Variants in CDH13 observed in about 807,000 individuals in gnomAD.
CDH13 encodes the protein cadherin-13.
A neutral mutation model predicts 63.8 loss-of-function variants in CDH13; 24 were observed. The ratio of observed to expected loss-of-function variants is 0.38; its 90% CI spans 0.27 to 0.53. CDH13 has a LOEUF of 0.53. Ranked by LOEUF, CDH13 falls within the 20% of genes least tolerant of loss-of-function variation. The pLI is 0.85. For missense variants in CDH13, 1,049 were observed against 903.1 expected (o/e 1.16, Z -2.07); for synonymous variants, 503 against 355.3 (o/e 1.42, Z -4.67).
chr16:83,233,309 C>T (rs543812029), intron 5 of CDH13, among the ~76,000 whole-genome samples: 18 of 152,298 alleles, frequency 1.2e-4, no homozygotes, highest in Middle Eastern at 3.4e-3. Context: ...GTGACGACCA[C>T]GACAATGTTG....
intron 7 of CDH13, among the ~76,000 whole-genome samples, chr16:83,528,294 C>T (rs116827920): frequency 5.9e-5 from 9 of 152,156 alleles, no homozygotes; most frequent in African/African-American, 2.2e-4. Flanking sequence ...TGGTTGATCA[C>T]ATTTTAAATG....
At chr16:83,765,789 T>A (rs988922856) in intron 11 of CDH13, among the ~76,000 whole-genome samples, 1 of 151,878 alleles carries the variant, frequency 6.6e-6, no homozygotes, top group Non-Finnish European at 1.5e-5. Context: ...TTCTTTTTTT[T>A]TTTCTATTTT....
In CDH13 at chr16:82,651,485, G is replaced by A. The variant is rs180881337; in HGVS notation, c.45+24348G>A. Among the ~76,000 whole-genome samples the A allele has an allele frequency of 1.3e-3, 194 of 152,328 alleles. 2 individuals carry two copies. Among genetic ancestry groups the A allele is most frequent in the African/African-American group, 4.6e-3 (190 of 41,582 alleles). On this transcript the variant is annotated intron_variant, in intron 1 of 13. Transcript: ENST00000567109. Reference sequence around the variant, plus strand: ...ACCACGGTTTGAATCCAGGTCTTCTGACTCCATATTACTTTGATTTTATTG... The same window carrying A: ...ACCACGGTTTGAATCCAGGTCTTCTAACTCCATATTACTTTGATTTTATTG...
At chr16:82,827,985 C>G (rs1200528816) in intron 1 of CDH13, among the ~76,000 whole-genome samples, 6 of 152,090 alleles carry the variant, frequency 3.9e-5, no homozygotes, top group African/African-American at 1.4e-4. Context: ...CCACTTTTGA[C>G]ACAGAGAGTC....
intron 1 of CDH13, among the ~76,000 whole-genome samples, chr16:82,816,268 T>A (rs1387379406): frequency 6.6e-6 from 1 of 152,166 alleles, no homozygotes; most frequent in Non-Finnish European, 1.5e-5. Context: ...CAATTATTCA[T>A]TGCCATCTGA....
At chr16:83,437,517 A>T (rs1243291950) in intron 6 of CDH13, among the ~76,000 whole-genome samples, 1 of 151,900 alleles carries the variant, frequency 6.6e-6, no homozygotes, top group Non-Finnish European at 1.5e-5. Context: ...CTCTACTACA[A>T]ATACAAAAAA....
intron 2 of CDH13, among the ~76,000 whole-genome samples, chr16:82,880,301 G>A (rs911008785): frequency 2.0e-5 from 3 of 152,080 alleles, no homozygotes; most frequent in African/African-American, 7.2e-5. Flanking sequence ...CGTGGATGAG[G>A]GGTCTGAAGG....
At chr16:83,502,380 TA>T (rs1567717364) in intron 7 of CDH13, among the ~76,000 whole-genome samples, 1 of 151,210 alleles carries the variant, frequency 6.6e-6, no homozygotes, top group African/African-American at 2.4e-5. Context: ...TTCTGGCATC[TA>T]AAACAAAAAA....
chr16:83,790,701 C>A lies in CDH13; in HGVS notation c.2135-4322C>A, dbSNP rs1293448551. Among the ~76,000 whole-genome samples, 3 of 152,186 alleles carry A rather than the reference C, an allele frequency of 2.0e-5. No homozygotes were observed. In the East Asian group the frequency reaches 5.8e-4, roughly 29 times the overall value. On this transcript the variant is annotated intron_variant, in intron 13 of 13. Coordinates refer to ENST00000567109, the MANE Select transcript of CDH13 (RefSeq NM_001257.5). ...TACAGGCGTGAGCCACCATGCCTGG[C>A]CCGGTTGTTGTAGTATAAAGTGCAT...
At chr16:83,251,691 C>T (rs923051750) in intron 5 of CDH13, among the ~76,000 whole-genome samples, 1 of 152,230 alleles carries the variant, frequency 6.6e-6, no homozygotes, top group African/African-American at 2.4e-5. Flanking sequence ...CAAGCCAAGC[C>T]TCTGACATCT....
At chr16:82,794,612 C>G (rs1405044735) in intron 1 of CDH13, among the ~76,000 whole-genome samples, 2 of 152,052 alleles carry the variant, frequency 1.3e-5, no homozygotes, top group Non-Finnish European at 2.9e-5. Flanking sequence ...ACAACGGAAT[C>G]CAATCTCATT....
chr16:82,908,805 C>G (rs1346416046), intron 2 of CDH13, among the ~76,000 whole-genome samples: 1 of 152,214 alleles, frequency 6.6e-6, no homozygotes, highest in Non-Finnish European at 1.5e-5. Context: ...AACCTAGGCA[C>G]ATTCTCCCTA....
intron 7 of CDH13, among the ~76,000 whole-genome samples, chr16:83,599,981 T>G: frequency 6.6e-6 from 1 of 152,160 alleles, no homozygotes; most frequent in East Asian, 1.9e-4. Context: ...CAATAGTACA[T>G]GCAGTCCAGC....
chr16:83,711,471 T>C (rs576363354), intron 10 of CDH13, among the ~76,000 whole-genome samples: 1 of 152,256 alleles, frequency 6.6e-6, no homozygotes, highest in African/African-American at 2.4e-5. Flanking sequence ...TGTGTGGTTG[T>C]TTGTTTGTTT....
At chr16:83,592,012 C>T (rs568183789) in intron 7 of CDH13, among the ~76,000 whole-genome samples, 47 of 152,324 alleles carry the variant, frequency 3.1e-4, no homozygotes, top group African/African-American at 9.9e-4. Flanking sequence ...ACTGCTTAAT[C>T]TCTTCCGGCC....
At chr16:83,687,371 GC>G in intron 10 of CDH13, among the ~76,000 whole-genome samples, 1 of 152,164 alleles carries the variant, frequency 6.6e-6, no homozygotes. Context: ...TTTTGGGGAG[GC>G]CTCAGGAAAC....
At chr16:83,001,133 A>C (rs1912881760) in intron 2 of CDH13, among the ~76,000 whole-genome samples, 1 of 152,220 alleles carries the variant, frequency 6.6e-6, no homozygotes, top group South Asian at 2.1e-4. Flanking sequence ...AGTAGATCGT[A>C]AGTCCCTTGA....
At chr16:83,257,057 A>C (rs892809250) in intron 5 of CDH13, among the ~76,000 whole-genome samples, 2 of 152,082 alleles carry the variant, frequency 1.3e-5, no homozygotes, top group African/African-American at 4.8e-5. Flanking sequence ...AGTAATGATA[A>C]GTAATGACTG....
intron 1 of CDH13, among the ~76,000 whole-genome samples, chr16:82,695,800 A>G (rs572651004): frequency 2.0e-5 from 3 of 152,348 alleles, no homozygotes; most frequent in South Asian, 2.1e-4. Context: ...GTTGAGCTGA[A>G]TAACTTTTAG....
Sources: gnomAD v4.1 joint callset for allele counts (sites outside exome capture counted in the v4.1 genomes callset) on GRCh38, gnomAD v4.1.1 for gene constraint, MANE v1.5 for transcripts, NCBI Gene and HGNC (gene_info 2026-07-23, HGNC 2026-07-21) for gene names.